Variants in TRAPPC9 observed in about 807,000 individuals in gnomAD.
TRAPPC9 encodes the protein trafficking protein particle complex subunit 9, also known as IKK2 binding protein.
In TRAPPC9, 83 loss-of-function variants were observed where a neutral mutation model predicts 124.0. The observed-to-expected ratio is 0.67, with a 90% CI of 0.56 to 0.80. The LOEUF (loss-of-function observed/expected upper bound fraction) is 0.80, where lower values mean the gene tolerates loss of function less well. Ranked by LOEUF, TRAPPC9 falls within the 30% of genes least tolerant of loss-of-function variation. The pLI is 0.00. For missense variants in TRAPPC9, 1,302 were observed against 1,508.3 expected (o/e 0.86, Z 2.27); for synonymous variants, 638 against 617.5 (o/e 1.03, Z -0.49).
rs59528421 is a variant in TRAPPC9, at chr8:139,822,375, G to A, written c.3055+63504C>T. ...TGGCCTCCCATTTGTAAAATGAAAGGGTTGCCCAGGTGCTCATGTGCTCCG... is the reference window on the plus strand; with the variant it reads ...TGGCCTCCCATTTGTAAAATGAAAGAGTTGCCCAGGTGCTCATGTGCTCCG... On this transcript the variant is annotated intron_variant, in intron 21 of 22. Coordinates refer to ENST00000438773, the MANE Select transcript of TRAPPC9 (RefSeq NM_001160372.4). Among the ~76,000 whole-genome samples the A allele has an allele frequency of 5.6e-4, 86 of 152,278 alleles. 1 individual carries two copies. In the East Asian group the frequency reaches 0.016, roughly 28 times the overall value.
At position 139,757,467 on chromosome 8, in the gene TRAPPC9, G is replaced by A. The variant is rs541324093; in HGVS notation, c.3056-25265C>T. On this transcript the variant is annotated intron_variant, in intron 21 of 22. Coordinates refer to ENST00000438773, the MANE Select transcript of TRAPPC9 (RefSeq NM_001160372.4). ...GGTTTGGGGATGAGGACAGCAGGTC[G>A]CAGGAGGAGCCAGGGTTTGGGGATG... 1.3e-4 allele frequency among the ~76,000 whole-genome samples: 19 copies of A among 149,634 alleles called. No individual in the cohort carries two copies. The South Asian group carries it at 3.8e-3, about 30-fold the overall frequency.
Position 140,233,993 on chromosome 8 carries a change from T to C in TRAPPC9, c.2432-12410A>G, listed in dbSNP as rs1488936992. On this transcript the variant is annotated intron_variant, in intron 16 of 22. Transcript: ENST00000438773. ...TCTCACTAGACTTATGCTAATACAG[T>C]AGCCACTAGAGAAATGTGGGTACTT... Among the ~76,000 whole-genome samples the C allele has an allele frequency of 3.1e-4, 47 of 152,270 alleles. 1 individual carries two copies.
intron 17 of TRAPPC9, among the ~76,000 whole-genome samples, chr8:140,208,350 A>C (rs935427989): frequency 6.6e-6 from 1 of 152,190 alleles, no homozygotes; most frequent in Admixed American, 6.5e-5. Flanking sequence ...ATGTCAAAAC[A>C]AATTGAAAAA....
At chr8:140,069,087 G>A (rs1483228092) in intron 17 of TRAPPC9, among the ~76,000 whole-genome samples, 1 of 152,198 alleles carries the variant, frequency 6.6e-6, no homozygotes, top group Non-Finnish European at 1.5e-5. Context: ...GCACAGTTAC[G>A]CTTATCAAAG....
chr8:139,779,133 G>A (rs1821595354), intron 21 of TRAPPC9, among the ~76,000 whole-genome samples: 1 of 152,152 alleles, frequency 6.6e-6, no homozygotes, highest in Non-Finnish European at 1.5e-5. Flanking sequence ...ACAGAGGAAT[G>A]AAGATAAGAA....
At chr8:140,303,361 C>T (rs1208451276) in intron 10 of TRAPPC9, among the ~76,000 whole-genome samples, 1 of 152,210 alleles carries the variant, frequency 6.6e-6, no homozygotes, top group African/African-American at 2.4e-5. Flanking sequence ...AACTTTATTC[C>T]ACTTCCTTAA....
intron 21 of TRAPPC9, among the ~76,000 whole-genome samples, chr8:139,865,421 CCA>C (rs937174011): frequency 2.0e-5 from 3 of 152,148 alleles, no homozygotes; most frequent in Non-Finnish European, 4.4e-5. Flanking sequence ...TACTTTGTAC[CCA>C]CTCTGTGTTG....
chr8:140,207,115 T>C (rs370557737), intron 17 of TRAPPC9, among the ~76,000 whole-genome samples: 1 of 152,214 alleles, frequency 6.6e-6, no homozygotes, highest in Non-Finnish European at 1.5e-5. Flanking sequence ...GAGCATTCCC[T>C]GCAGTTGGGT....
rs981843859 is a variant in TRAPPC9, at chr8:140,371,057, T to C, written c.1258A>G (p.Ile420Val). The C allele has an allele frequency of 6.2e-7, 1 of 1,614,254 alleles. No homozygotes were observed. The highest frequency in any genetic ancestry group is 8.5e-7 in the Non-Finnish European group (1 of 1,180,036). The change falls in exon 8 of 23, where the codon ATC becomes GTC. Residue 420 changes from isoleucine (I) to valine (V), a missense_variant. Around this residue, in one of 3 missense-constraint regions of TRAPPC9, gnomAD observed 657 missense variants for 811.2 expected, o/e 0.81. Transcript: ENST00000438773. ...VAAMQCVAPS[I>V]AEPGWRACYK... Reference sequence around the variant, plus strand: ...CAGGCCCTCCACCCAGGCTCCGCGATGCTTGGGGCCACGCACTGCATGGCG... The same window carrying C: ...CAGGCCCTCCACCCAGGCTCCGCGACGCTTGGGGCCACGCACTGCATGGCG...
intron 18 of TRAPPC9, among the ~76,000 whole-genome samples, chr8:140,004,496 A>T (rs568062397): frequency 1.1e-3 from 175 of 152,306 alleles, no homozygotes; most frequent in African/African-American, 4.0e-3. Flanking sequence ...AATTTCTCTG[A>T]CTGTCAGTTT....
intron 17 of TRAPPC9, 151 bp from the exon 18 acceptor site, chr8:140,024,230 G>A: frequency 9.9e-7 from 1 of 1,007,034 alleles, no homozygotes; most frequent in East Asian, 2.6e-5. Context: ...AACCCCGGCG[G>A]GTACCGACTC....
intron 9 of TRAPPC9, among the ~76,000 whole-genome samples, chr8:140,338,649 A>C (rs1233516005): frequency 6.6e-6 from 1 of 152,240 alleles, no homozygotes; most frequent in Admixed American, 6.5e-5. Flanking sequence ...ACGAGAGGGG[A>C]TTAGGACACA....
intron 20 of TRAPPC9, among the ~76,000 whole-genome samples, chr8:139,909,251 C>T (rs976246802): frequency 6.6e-6 from 1 of 152,152 alleles, no homozygotes; most frequent in Non-Finnish European, 1.5e-5. Flanking sequence ...CGGAGATGGG[C>T]TCTCATGCCT....
chr8:140,152,671 T>G (rs573751800), intron 17 of TRAPPC9, among the ~76,000 whole-genome samples: 1 of 152,060 alleles, frequency 6.6e-6, no homozygotes, highest in Non-Finnish European at 1.5e-5. Flanking sequence ...CCCGGCCATG[T>G]TGCCATCTTA....
chr8:140,211,762 G>A (rs145686498), intron 17 of TRAPPC9, among the ~76,000 whole-genome samples: 49 of 152,290 alleles, frequency 3.2e-4, no homozygotes, highest in African/African-American at 1.1e-3. Flanking sequence ...AGAATCTTCA[G>A]GCAACCCCAT....
At chr8:140,206,774 T>TATATATATATATATATATATATATATATA (rs1294158701) in intron 17 of TRAPPC9, among the ~76,000 whole-genome samples, 1 of 151,726 alleles carries the variant, frequency 6.6e-6, no homozygotes, top group Admixed American at 6.6e-5. Context: ...TATATATATA[T>TATATATATATATATATATATATATATATA]TTAAAAAGCC....
At chr8:139,768,656 T>G (rs1820739387) in intron 21 of TRAPPC9, among the ~76,000 whole-genome samples, 1 of 152,240 alleles carries the variant, frequency 6.6e-6, no homozygotes, top group African/African-American at 2.4e-5. Context: ...CGTTTTCATT[T>G]TAATTCATCA....
intron 7 of TRAPPC9, among the ~76,000 whole-genome samples, chr8:140,381,673 A>AAG (rs2068614250): frequency 6.8e-6 from 1 of 146,104 alleles, no homozygotes; most frequent in African/African-American, 2.5e-5. Flanking sequence ...GTCTCAAAAA[A>AAG]AAAAAAAAAA....
intron 17 of TRAPPC9, among the ~76,000 whole-genome samples, chr8:140,200,980 T>C (rs2062775202): frequency 2.0e-5 from 3 of 152,194 alleles, no homozygotes; most frequent in Non-Finnish European, 2.9e-5. Flanking sequence ...AATAAAAAGG[T>C]ACTTTTCAAA....
Sources: gnomAD v4.1 joint callset for allele counts (sites outside exome capture counted in the v4.1 genomes callset) on GRCh38, gnomAD v4.1.1 for gene constraint, gnomAD v4.1.1 regional missense constraint, MANE v1.5 for transcripts, NCBI Gene and HGNC (gene_info 2026-07-23, HGNC 2026-07-21) for gene names.